Variants in AUTS2 observed in about 807,000 individuals in gnomAD.
AUTS2 encodes autism susceptibility gene 2 protein.
In AUTS2, 17 loss-of-function variants were observed where a neutral mutation model predicts 112.4. That is an observed-to-expected ratio of 0.15 (90% CI 0.10 to 0.23). The LOEUF is 0.23. AUTS2 is among the 10% of genes least tolerant of loss of function. AUTS2 has a pLI of 1.00. For missense variants in AUTS2, 1,510 were observed against 1,701.6 expected (o/e 0.89, Z 1.98); for synonymous variants, 751 against 702.7 (o/e 1.07, Z -1.09).
At chr7:70,108,783 CAAAAAAAAAAAAAAA>C (rs528009205) in intron 2 of AUTS2, among the ~76,000 whole-genome samples, 12,176 of 69,250 alleles carry the variant, frequency 0.18, 710 homozygotes, top group East Asian at 0.28. Flanking sequence ...GCCAACATGG[CAAAAAAAAAAAAAAA>C]AAAAAAAAAA....
chr7:69,615,800 A>G (rs931107323), intron 1 of AUTS2, among the ~76,000 whole-genome samples: 3 of 152,242 alleles, frequency 2.0e-5, no homozygotes, highest in Non-Finnish European at 4.4e-5. Context: ...TGCCTTTCCA[A>G]TGATGTGCTT....
Position 70,629,789 on chromosome 7 carries a change from C to G in AUTS2, c.691-68780C>G, listed in dbSNP as rs963734237. ...TTTTTCTTTTTTAAAAGCTTTAGGTCTATATTTTGGACAGAAGATGGTCTT... is the reference window on the plus strand; with the variant it reads ...TTTTTCTTTTTTAAAAGCTTTAGGTGTATATTTTGGACAGAAGATGGTCTT... On this transcript the variant is annotated intron_variant, in intron 5 of 18. Transcript: ENST00000342771. Among the ~76,000 whole-genome samples the G allele has an allele frequency of 4.0e-5, 6 of 151,354 alleles. No homozygotes were observed. The East Asian group carries it at 7.8e-4, about 20-fold the overall frequency.
chr7:69,695,377 T>C (rs1224332319), intron 1 of AUTS2, among the ~76,000 whole-genome samples: 3 of 152,022 alleles, frequency 2.0e-5, no homozygotes, highest in South Asian at 2.1e-4. Context: ...ATTAACAAAG[T>C]AACAGGGAAT....
chr7:70,043,193 C>T (rs1181195111), intron 2 of AUTS2, among the ~76,000 whole-genome samples: 1 of 152,088 alleles, frequency 6.6e-6, no homozygotes, highest in Non-Finnish European at 1.5e-5. Flanking sequence ...ATAAATGGGG[C>T]AGGTCCATAG....
chr7:69,599,991 C>T lies in AUTS2; in HGVS notation c.309+29C>T. The T allele has an allele frequency of 6.2e-7, 1 of 1,611,380 alleles. No individual in the cohort carries two copies. The highest frequency in any genetic ancestry group is 8.5e-7 in the Non-Finnish European group (1 of 1,178,758). ...AGGGGGACCCCCCTTCCCCCGGGTT[C>T]CCTTTATGCACGACCCCACTCGGCT... On this transcript the variant is annotated intron_variant, in intron 1 of 18. Coordinates refer to ENST00000342771, the MANE Select transcript of AUTS2 (RefSeq NM_015570.4). This position sits in a 1 kb window ranked among gnomAD's most constrained non-coding sequence, Gnocchi z 7.0.
At chr7:69,839,400 G>T (rs555377378) in intron 1 of AUTS2, among the ~76,000 whole-genome samples, 4 of 152,090 alleles carry the variant, frequency 2.6e-5, no homozygotes, top group African/African-American at 9.6e-5. Flanking sequence ...AAATGTCAGT[G>T]GAGTTTTTTG....
At chr7:69,907,300 T>C (rs1219282080) in intron 2 of AUTS2, among the ~76,000 whole-genome samples, 1 of 152,230 alleles carries the variant, frequency 6.6e-6, no homozygotes, top group Admixed American at 6.5e-5. Context: ...GACTTCATCC[T>C]CCTTTCTTCC....
At chr7:69,723,710 A>G (rs1000699023) in intron 1 of AUTS2, among the ~76,000 whole-genome samples, 3 of 152,162 alleles carry the variant, frequency 2.0e-5, no homozygotes, top group South Asian at 2.1e-4. Flanking sequence ...TCTGCCTGCT[A>G]TGTTTAACTA....
At chr7:70,509,176 C>T (rs572004766) in intron 5 of AUTS2, among the ~76,000 whole-genome samples, 21 of 152,190 alleles carry the variant, frequency 1.4e-4, no homozygotes, top group Non-Finnish European at 2.8e-4. Context: ...GTGTTGAGTA[C>T]CTGTGATGTG....
Position 69,681,493 on chromosome 7 carries a change from G to A in AUTS2, c.309+81531G>A, listed in dbSNP as rs141604271. ...TGTTCCAAGCTTCTTCAGACTCCTC[G>A]GGACTGGCTAATTATTTTTGTTAAG... On this transcript the variant is annotated intron_variant, in intron 1 of 18. Coordinates refer to ENST00000342771, the MANE Select transcript of AUTS2 (RefSeq NM_015570.4). 1.2e-3 allele frequency among the ~76,000 whole-genome samples: 180 copies of A among 152,188 alleles called. 1 individual carries two copies. In the East Asian group the frequency reaches 0.012, roughly 10 times the overall value.
At chr7:69,853,341 A>G (rs1473661331) in intron 1 of AUTS2, among the ~76,000 whole-genome samples, 1 of 152,060 alleles carries the variant, frequency 6.6e-6, no homozygotes, top group Non-Finnish European at 1.5e-5. Flanking sequence ...TGGGATTACT[A>G]TATTTGCTTG....
intron 5 of AUTS2, among the ~76,000 whole-genome samples, chr7:70,669,638 A>C (rs1478221649): frequency 1.3e-5 from 2 of 152,242 alleles, no homozygotes; most frequent in Non-Finnish European, 2.9e-5. Context: ...TGCTGTCTGC[A>C]CATAATTATT....
intron 6 of AUTS2, among the ~76,000 whole-genome samples, chr7:70,743,468 CAAAAAA>C (rs35444664): frequency 1.7e-4 from 12 of 71,252 alleles, no homozygotes; most frequent in South Asian, 1.2e-3. Flanking sequence ...GACTCTGTCT[CAAAAAA>C]AAAAAAAAAA....
In AUTS2 at chr7:70,762,745, G is replaced by A. The variant is rs79937195; in HGVS notation, c.743-125G>A. The A allele has an allele frequency of 6.7e-3, 5,062 of 755,584 alleles. 131 individuals carry two copies. The highest frequency in any genetic ancestry group is 0.067 in the East Asian group (2,730 of 40,812). The allele number at this position is 755,584 out of a possible 1,614,324, so 46.8% of individuals were successfully genotyped here. A position where few individuals can be genotyped will look rare whatever the true frequency, so the allele number is the denominator to read the frequency against. Reference sequence around the variant, plus strand: ...GCAGGTGGTGGAGACAAGGACCCAAGCCAGGAGGGTTGGTGCCAGGTCCTG... The same window carrying A: ...GCAGGTGGTGGAGACAAGGACCCAAACCAGGAGGGTTGGTGCCAGGTCCTG... On this transcript the variant is annotated intron_variant, in intron 6 of 18. Coordinates refer to ENST00000342771, the MANE Select transcript of AUTS2 (RefSeq NM_015570.4).
Position 69,655,593 on chromosome 7 carries a change from A to C in AUTS2, c.309+55631A>C, listed in dbSNP as rs943511797. The stretch of plus-strand genomic sequence containing the variant: ...TCCAGGTGATTCTGATGGACTTTAA[A>C]GTTTGAGAAACACTGAGGGTGTGGG... On this transcript the variant is annotated intron_variant, in intron 1 of 18. Transcript: ENST00000342771. Among the ~76,000 whole-genome samples the C allele has an allele frequency of 3.3e-5, 5 of 152,236 alleles. 1 individual carries two copies. Among genetic ancestry groups the C allele is most frequent in the African/African-American group, 1.2e-4 (5 of 41,458 alleles).
chr7:70,408,829 A>G (rs1370552676), intron 4 of AUTS2, among the ~76,000 whole-genome samples: 1 of 152,204 alleles, frequency 6.6e-6, no homozygotes, highest in African/African-American at 2.4e-5. Context: ...TACATCAGAC[A>G]TGCTTTGTGC....
At chr7:70,274,902 G>A (rs766681018) in intron 4 of AUTS2, among the ~76,000 whole-genome samples, 5 of 151,942 alleles carry the variant, frequency 3.3e-5, no homozygotes, top group African/African-American at 7.3e-5. Flanking sequence ...GTATATAATC[G>A]GAATTAAAAA....
At chr7:70,624,473 T>G (rs1804834911) in intron 5 of AUTS2, among the ~76,000 whole-genome samples, 1 of 152,222 alleles carries the variant, frequency 6.6e-6, no homozygotes, top group Non-Finnish European at 1.5e-5. Flanking sequence ...TTAAATTGTT[T>G]TCTGAAAGAG....
intron 2 of AUTS2, among the ~76,000 whole-genome samples, chr7:70,076,194 G>T (rs745501578): frequency 5.9e-5 from 9 of 151,988 alleles, no homozygotes; most frequent in Non-Finnish European, 1.3e-4. Context: ...TTGGCGTAAA[G>T]ACGTTTTATT....
Sources: gnomAD v4.1 joint callset for allele counts (sites outside exome capture counted in the v4.1 genomes callset) on GRCh38, gnomAD v4.1.1 for gene constraint, Gnocchi (gnomAD v3.1) non-coding constraint, MANE v1.5 for transcripts, NCBI Gene and HGNC (gene_info 2026-07-23, HGNC 2026-07-21) for gene names.